The following C2CD2L variants were observed in gnomAD, a reference collection of about 807,000 sequenced individuals.
The protein encoded by C2CD2L is C2CD2 like, also known as phospholipid transfer protein C2CD2L.
Under a neutral mutation model 69.9 loss-of-function variants are expected in C2CD2L, and 24 were observed. The ratio of observed to expected loss-of-function variants is 0.34; its 90% CI spans 0.25 to 0.48. The LOEUF is 0.48. Among genes scored for constraint, C2CD2L ranks in the 20% least tolerant of loss-of-function variants. C2CD2L has a pLI of 0.99. For missense variants in C2CD2L, 811 were observed against 941.5 expected (o/e 0.86, Z 1.81); for synonymous variants, 367 against 391.0 (o/e 0.94, Z 0.72).
At position 119,114,361 on chromosome 11, in the gene C2CD2L, C is replaced by G; in HGVS notation, c.1905C>G (p.His635Gln). The change falls in exon 13 of 14, where the codon CAC (histidine) becomes CAG (glutamine). Residue 635 changes from histidine (H) to glutamine (Q), a missense_variant. His to Gln is a conservative substitution (Grantham distance 24). Transcript: ENST00000648610. The surrounding 1 kb of genome is among the most constrained non-coding windows in gnomAD (Gnocchi z 5.1). Reference protein sequence around the residue: ...GALETRSLKDHKVSFLRSGTK... With the variant: ...GALETRSLKDQKVSFLRSGTK... Reference sequence around the variant, plus strand: ...TGGAGACCCGCAGCCTCAAGGATCACAAAGGTAGGGGGACGTTGGCAGGGT... The same window carrying G: ...TGGAGACCCGCAGCCTCAAGGATCAGAAAGGTAGGGGGACGTTGGCAGGGT... 1 of 1,614,048 alleles carries G rather than the reference C, an allele frequency of 6.2e-7. No individual in the cohort carries two copies. The highest frequency in any genetic ancestry group is 1.6e-4 in the Middle Eastern group (1 of 6,062).
intron 1 of C2CD2L, 106 bp downstream of exon 1, chr11:119,108,201 A>T: frequency 3.0e-6 from 2 of 677,176 alleles, no homozygotes; most frequent in Non-Finnish European, 4.9e-6. Flanking sequence ...AAACTGGGGA[A>T]CCCTATGGCT....
rs373676895 is a variant in C2CD2L at position 119,110,697 on chromosome 11, G to A, written c.570+17G>A. The A allele has an allele frequency of 4.2e-5, 67 of 1,613,754 alleles. No individual in the cohort carries two copies. The African/African-American group carries it at 5.3e-4, about 13-fold the overall frequency. Reference sequence around the variant, plus strand: ...CCAACACAGGTAGAAGGGGATGTGGGAAACTGAGTTGGGCAGGGGCGGTTC... The same window carrying A: ...CCAACACAGGTAGAAGGGGATGTGGAAAACTGAGTTGGGCAGGGGCGGTTC... On this transcript the variant is annotated intron_variant, in intron 3 of 13. Coordinates refer to ENST00000648610, the MANE Select transcript of C2CD2L (RefSeq NM_001290474.2). This position sits in a 1 kb window ranked among gnomAD's most constrained non-coding sequence, Gnocchi z 5.7.
chr11:119,106,643 C>G (rs1024016145), upstream of C2CD2L: 1 of 151,896 alleles, frequency 6.6e-6, no homozygotes, highest in South Asian at 2.1e-4. Context: ...ATTGCCAGCT[C>G]CCTTGTCATT....
chr11:119,116,533 C>A lies in C2CD2L; in HGVS notation c.*277C>A. On this transcript the variant is annotated 3_prime_UTR_variant, in exon 14 of 14. Transcript: ENST00000648610. ...GTGGGTATTCCCCAGAAGCATTTGC[C>A]TCCTGCTGAGCCTGGTCCCTGAGCG... 1.8e-6 allele frequency: 1 copy of A among 555,482 alleles called. No individual in the cohort carries two copies. Among genetic ancestry groups the A allele is most frequent in the Non-Finnish European group, 3.2e-6 (1 of 309,588 alleles). The allele number at this position is 555,482 out of a possible 1,614,324, so 34.4% of individuals were successfully genotyped here. A position where few individuals can be genotyped will look rare whatever the true frequency, so the allele number is the denominator to read the frequency against.
rs758521254 is a variant in C2CD2L, at chr11:119,113,929, C to T, written c.1564C>T (p.Arg522Trp). The T allele has an allele frequency of 1.4e-5, 23 of 1,614,048 alleles. No homozygotes were observed. Among genetic ancestry groups the T allele is most frequent in the Admixed American group, 1.3e-4 (8 of 59,998 alleles). ...AIRQLTEPSG[R>W]VAKKTPTKRS... ...TCGCCAGCTGACAGAGCCCAGTGGGCGGGTGGCCAAGAAGACACCCACCAA... is the reference window on the plus strand; with the variant it reads ...TCGCCAGCTGACAGAGCCCAGTGGGTGGGTGGCCAAGAAGACACCCACCAA... Residue 522 changes from arginine (R) to tryptophan (W), a missense_variant, in exon 12 of 14, where the codon CGG becomes TGG. Arg to Trp is a moderately radical substitution (Grantham distance 101, BLOSUM62 -3). Transcript: ENST00000648610.
rs1274466539 is a variant in C2CD2L at position 119,109,668 on chromosome 11, C to T, written c.355-436C>T. ...GGTGGCTCTACCACCTTTACCGGGG[C>T]TTAGCCCTTTCCCTCTGCCCAGCTA... On this transcript the variant is annotated intron_variant, in intron 1 of 13. Transcript: ENST00000648610. The surrounding 1 kb of genome is among the most constrained non-coding windows in gnomAD (Gnocchi z 5.1). Among the ~76,000 whole-genome samples, 1 of 152,266 alleles carries T rather than the reference C, an allele frequency of 6.6e-6. No homozygotes were observed. The highest frequency in any genetic ancestry group is 1.5e-5 in the Non-Finnish European group (1 of 68,050).
Position 119,113,687 on chromosome 11 carries a change from C to T in C2CD2L, c.1464C>T (p.Pro488=). The change falls in exon 11 of 14, where the codon CCC becomes CCT. Residue 488 remains proline (P), a synonymous_variant. Transcript: ENST00000648610. ...TTTVLSESSG[P]SNTSHSSSRD... is the part of the protein sequence containing the mutation. ...CTGTGCTGAGTGAGAGCAGTGGCCC[C>T]AGCAATACCTCCCATAGCAGCAGCC... 1 of 1,614,064 alleles carries T rather than the reference C, an allele frequency of 6.2e-7. No homozygotes were observed.
At chr11:119,108,269 T>C in intron 1 of C2CD2L, 174 bp downstream of exon 1, 1 of 523,642 alleles carries the variant, frequency 1.9e-6, no homozygotes, top group Non-Finnish European at 3.3e-6. Flanking sequence ...GTTGTAGAAA[T>C]CCAACTGGGT....
In C2CD2L at chr11:119,110,590, G is replaced by A. The variant is rs1488520751; in HGVS notation, c.480G>A (p.Glu160=). 6.2e-7 allele frequency: 1 copy of A among 1,610,504 alleles called. No homozygotes were observed. Among genetic ancestry groups the A allele is most frequent in the Admixed American group, 1.7e-5 (1 of 59,826 alleles). The part of the protein sequence containing the change: ...MVLRCQLSAE[E]VRFPVSVTQQ... ...TGCGTTGCCAGCTCTCTGCTGAGGA[G>A]GTGCGGTTCCCAGTCTCTGTGACCC... The change falls in exon 3 of 14, where the codon GAG becomes GAA. Residue 160 remains glutamate, a synonymous_variant. Transcript: ENST00000648610. This position sits in a 1 kb window ranked among gnomAD's most constrained non-coding sequence, Gnocchi z 5.7.
rs1052875880 is a variant in C2CD2L at position 119,114,731 on chromosome 11, G to C, written c.1909+366G>C. 1 of 309,902 alleles carries C rather than the reference G, an allele frequency of 3.2e-6. No individual in the cohort carries two copies. Among genetic ancestry groups the C allele is most frequent in the Non-Finnish European group, 6.2e-6 (1 of 161,540 alleles). 19.2% of individuals were successfully genotyped at this position (309,902 alleles called of 1,614,324 possible). ...AGGCGGGTGGCTTACCTGAGTCCAG[G>C]AGTTCAAGACTAGCCTGGGCAACAT... On this transcript the variant is annotated intron_variant, in intron 13 of 13. Coordinates refer to ENST00000648610, the MANE Select transcript of C2CD2L (RefSeq NM_001290474.2). The surrounding 1 kb of genome is among the most constrained non-coding windows in gnomAD (Gnocchi z 5.1).
Position 119,116,259 on chromosome 11 carries a change from A to G in C2CD2L, c.*3A>G. 2 of 1,610,462 alleles carry G rather than the reference A, an allele frequency of 1.2e-6. No homozygotes were observed. Among genetic ancestry groups the G allele is most frequent in the Middle Eastern group, 1.7e-4 (1 of 6,054 alleles). On this transcript the variant is annotated 3_prime_UTR_variant, in exon 14 of 14. Transcript: ENST00000648610. ...GTAACCCCAGCCCCCAGCTCTGAGG[A>G]CCCAGCTCTGAAAGGGCACGAGTTC...
intron 13 of C2CD2L, chr11:119,115,811 C>T: frequency 1.7e-6 from 1 of 587,896 alleles, no homozygotes; most frequent in Non-Finnish European, 3.0e-6. Flanking sequence ...ACGATTTTTG[C>T]CTCAGGAAGG....
rs571445 is a variant in C2CD2L at position 119,117,261 on chromosome 11, G to A, written c.*1005G>A. 93,217 of 152,118 alleles carry A rather than the reference G, an allele frequency of 0.61. 29,564 individuals are homozygous for A. Among genetic ancestry groups the A allele is most frequent in the African/African-American group, 0.75 (31,180 of 41,442 alleles). The allele number at this position is 152,118 out of a possible 1,614,324, so 9.4% of individuals were successfully genotyped here. ...GGATCTGCTAAGAAGTTCCTGCAGGGAAGAAGGGGTGTGCAGAGAAAGGAT... is the reference window on the plus strand; with the variant it reads ...GGATCTGCTAAGAAGTTCCTGCAGGAAAGAAGGGGTGTGCAGAGAAAGGAT... On this transcript the variant is annotated 3_prime_UTR_variant, in exon 14 of 14. Coordinates refer to ENST00000648610, the MANE Select transcript of C2CD2L (RefSeq NM_001290474.2).
rs1326531917 is a variant in C2CD2L at position 119,109,420 on chromosome 11, GCTCT to G, written c.355-681_355-678del. Among the ~76,000 whole-genome samples the G allele has an allele frequency of 1.3e-5, 2 of 152,184 alleles. No homozygotes were observed. The highest frequency in any genetic ancestry group is 2.9e-5 in the Non-Finnish European group (2 of 68,040). On this transcript the variant is annotated intron_variant, in intron 1 of 13. Coordinates refer to ENST00000648610, the MANE Select transcript of C2CD2L (RefSeq NM_001290474.2). This position sits in a 1 kb window ranked among gnomAD's most constrained non-coding sequence, Gnocchi z 5.1. ...TCTTTTGAGATCTAAGCAGCTTTCTGCTCTCTAATACCGTCCTGCTATCTGCCTT... is the reference window on the plus strand; with the variant it reads ...TCTTTTGAGATCTAAGCAGCTTTCTGCTAATACCGTCCTGCTATCTGCCTT...
In C2CD2L at chr11:119,109,706, G is replaced by A. The variant is rs1185089270; in HGVS notation, c.355-398G>A. ...CTCTGCCCAGCTATTATATATAGGT[G>A]GCAACCAGCACCTTAACTTTTTTCT... On this transcript the variant is annotated intron_variant, in intron 1 of 13. Transcript: ENST00000648610. This position sits in a 1 kb window ranked among gnomAD's most constrained non-coding sequence, Gnocchi z 5.1. 2.6e-5 allele frequency among the ~76,000 whole-genome samples: 4 copies of A among 152,192 alleles called. No homozygotes were observed. Among genetic ancestry groups the A allele is most frequent in the African/African-American group, 9.7e-5 (4 of 41,426 alleles).
Position 119,110,489 on chromosome 11 carries a change from G to A in C2CD2L, c.451-72G>A. The A allele has an allele frequency of 2.6e-6, 4 of 1,530,402 alleles. No individual in the cohort carries two copies. In the East Asian group the frequency reaches 7.1e-5, roughly 27 times the overall value. The allele number at this position is 1,530,402 out of a possible 1,614,324, so 94.8% of individuals were successfully genotyped here. A position where few individuals can be genotyped will look rare whatever the true frequency, so the allele number is the denominator to read the frequency against. ...AAACGGAAGTGGGGAGGGGTCTGCTGAACTATTACAGGGCAGTTCAAAGCA... is the reference window on the plus strand; with the variant it reads ...AAACGGAAGTGGGGAGGGGTCTGCTAAACTATTACAGGGCAGTTCAAAGCA... On this transcript the variant is annotated intron_variant, in intron 2 of 13. Coordinates refer to ENST00000648610, the MANE Select transcript of C2CD2L (RefSeq NM_001290474.2). The surrounding 1 kb of genome is among the most constrained non-coding windows in gnomAD (Gnocchi z 5.7).
intron 1 of C2CD2L, among the ~76,000 whole-genome samples, chr11:119,108,588 G>A (rs754456459): frequency 6.6e-6 from 1 of 152,166 alleles, no homozygotes; most frequent in Non-Finnish European, 1.5e-5. Flanking sequence ...TCTCCTCCAT[G>A]CTGGCCTGTG....
At position 119,112,399 on chromosome 11, in the gene C2CD2L, G is replaced by A; in HGVS notation, c.1084+7G>A. ...AGCAGCAGCTGTGGAGACAGTAAGT[G>A]AGGGGTGGGAGGGGCACCCCTGGGT... On this transcript the variant is annotated splice_region_variant and intron_variant, in intron 8 of 13. Coordinates refer to ENST00000648610, the MANE Select transcript of C2CD2L (RefSeq NM_001290474.2). 1 of 1,613,820 alleles carries A rather than the reference G, an allele frequency of 6.2e-7. No individual in the cohort carries two copies. The highest frequency in any genetic ancestry group is 8.5e-7 in the Non-Finnish European group (1 of 1,179,852).
upstream of C2CD2L, among the ~76,000 whole-genome samples, chr11:119,103,466 G>A (rs760670191): frequency 2.7e-4 from 41 of 152,192 alleles, no homozygotes; most frequent in Non-Finnish European, 4.7e-4. Flanking sequence ...GTAGGCGAAG[G>A]TGGGTGGCTC....
Sources: allele counts gnomAD v4.1 joint callset (sites outside exome capture counted in the v4.1 genomes callset), GRCh38; gene constraint gnomAD v4.1.1; non-coding constraint Gnocchi (gnomAD v3.1); transcripts MANE v1.5; gene names NCBI Gene and HGNC (gene_info 2026-07-23, HGNC 2026-07-21).